Variants in FARP1 observed in about 807,000 individuals in gnomAD.
The protein encoded by FARP1 is FERM, ARH/RhoGEF and pleckstrin domain protein 1.
Under a neutral mutation model 128.8 loss-of-function variants are expected in FARP1, and 52 were observed. The observed-to-expected ratio is 0.40, with a 90% CI of 0.32 to 0.51. The LOEUF (loss-of-function observed/expected upper bound fraction) is 0.51. FARP1 is among the 20% of genes least tolerant of loss of function. FARP1 has a pLI of 0.45. For synonymous variants in FARP1, 580 were observed against 551.8 expected (o/e 1.05, Z -0.72); for missense variants, 1,333 against 1,367.9 (o/e 0.97, Z 0.40).
chr13:98,440,330 C>A, intron 23 of FARP1, 95 bp downstream of exon 23: 3 of 879,914 alleles, frequency 3.4e-6, no homozygotes, highest in Non-Finnish European at 5.7e-6. Context: ...GTAGGCCTCA[C>A]ATCCGTGGTG....
At chr13:98,151,347 T>C (rs375493866) in intron 1 of FARP1, among the ~76,000 whole-genome samples, 1 of 152,180 alleles carries the variant, frequency 6.6e-6, no homozygotes, top group African/African-American at 2.4e-5. Flanking sequence ...CTGGGGGTCT[T>C]GGAATGTAAA....
At chr13:98,244,750 AATTG>A (rs1566788025) in intron 2 of FARP1, 2 of 1,556,036 alleles carry the variant, frequency 1.3e-6, no homozygotes, top group East Asian at 2.2e-5. Flanking sequence ...CATTCAAAGA[AATTG>A]ATTGGCAATG....
chr13:98,380,458 G>A (rs559572454), intron 6 of FARP1, among the ~76,000 whole-genome samples: 6 of 151,600 alleles, frequency 4.0e-5, no homozygotes, highest in African/African-American at 1.5e-4. Flanking sequence ...TGGATTTTAA[G>A]TGTTCTCACC....
intron 2 of FARP1, chr13:98,234,478 A>G (rs1382633501): frequency 1.3e-5 from 2 of 152,230 alleles, no homozygotes; most frequent in Admixed American, 6.5e-5. Flanking sequence ...CTCAAAGAAC[A>G]TATTGCTTCA....
At chr13:98,271,904 A>G (rs1271599968) in intron 2 of FARP1, among the ~76,000 whole-genome samples, 1 of 152,180 alleles carries the variant, frequency 6.6e-6, no homozygotes, top group African/African-American at 2.4e-5. Context: ...GTACGTGTGC[A>G]TGCTTCCTTA....
chr13:98,237,870 A>G (rs1162309576), intron 2 of FARP1, among the ~76,000 whole-genome samples: 2 of 152,162 alleles, frequency 1.3e-5, no homozygotes, highest in African/African-American at 2.4e-5. Context: ...AGTGGTCGCT[A>G]TGGCTACATC....
intron 2 of FARP1, among the ~76,000 whole-genome samples, chr13:98,303,466 A>C (rs1207728039): frequency 3.1e-4 from 47 of 152,180 alleles, no homozygotes. Context: ...GAGGGTTGAG[A>C]ACCTACAAAA....
At chr13:98,165,678 T>C (rs1456535572) in intron 1 of FARP1, among the ~76,000 whole-genome samples, 1 of 21,266 alleles carries the variant, frequency 4.7e-5, no homozygotes, top group Non-Finnish European at 7.6e-4. Flanking sequence ...TCTCTCATCA[T>C]TAAAAAAAAA....
intron 2 of FARP1, among the ~76,000 whole-genome samples, chr13:98,341,416 G>A (rs1459398368): frequency 5.3e-5 from 8 of 152,068 alleles, no homozygotes; most frequent in Non-Finnish European, 1.0e-4. Flanking sequence ...GGCCGATTAC[G>A]AGGTCAGGAG....
intron 1 of FARP1, among the ~76,000 whole-genome samples, chr13:98,205,257 A>G (rs1880196408): frequency 1.3e-5 from 2 of 152,098 alleles, no homozygotes; most frequent in South Asian, 4.2e-4. Context: ...ATGCACAAGT[A>G]TCTTTAATTT....
At chr13:98,228,358 C>G (rs951586224) in intron 2 of FARP1, among the ~76,000 whole-genome samples, 1 of 151,728 alleles carries the variant, frequency 6.6e-6, no homozygotes, top group Admixed American at 6.6e-5. Flanking sequence ...GAAAATCAGT[C>G]TCAAAAAATA....
chr13:98,439,708 C>A (rs541807180), intron 21 of FARP1, among the ~76,000 whole-genome samples: 1 of 152,206 alleles, frequency 6.6e-6, no homozygotes, highest in East Asian at 1.9e-4. Context: ...CTGGTGCCCA[C>A]GCTGTCCTCC....
chr13:98,378,512 T>C (rs115355506), intron 6 of FARP1, among the ~76,000 whole-genome samples: 1 of 152,182 alleles, frequency 6.6e-6, no homozygotes, highest in Non-Finnish European at 1.5e-5. Context: ...AAATAAAATA[T>C]ACACATTATG....
chr13:98,396,061 T>C (rs892110674), intron 13 of FARP1: 1 of 398,970 alleles, frequency 2.5e-6, no homozygotes, highest in Non-Finnish European at 4.4e-6. Flanking sequence ...TCCTGGTAGA[T>C]GTAATAAGTC....
At chr13:98,318,966 TTTTG>T (rs1555337151) in intron 2 of FARP1, among the ~76,000 whole-genome samples, 1 of 141,724 alleles carries the variant, frequency 7.1e-6, no homozygotes, top group Admixed American at 7.1e-5. Flanking sequence ...TTTTTTTTTT[TTTTG>T]TTTGTTTGTT....
intron 2 of FARP1, among the ~76,000 whole-genome samples, chr13:98,247,107 A>C (rs1883108362): frequency 6.6e-6 from 1 of 152,094 alleles, no homozygotes; most frequent in Non-Finnish European, 1.5e-5. Flanking sequence ...CATGCCTGTA[A>C]CCCGCATGCC....
intron 15 of FARP1, among the ~76,000 whole-genome samples, 184 bp from the exon 16 acceptor site, chr13:98,411,717 C>A (rs914540012): frequency 6.6e-6 from 1 of 152,158 alleles, no homozygotes; most frequent in Non-Finnish European, 1.5e-5. Flanking sequence ...CTTCTTACCC[C>A]GTCTAAGGAA....
chr13:98,399,460 C>T (rs941126352), intron 13 of FARP1: 1 of 152,246 alleles, frequency 6.6e-6, no homozygotes, highest in Non-Finnish European at 1.5e-5. Context: ...AGATCTCATT[C>T]TAGCTTAACA....
chr13:98,249,298 CT>C (rs934457561), intron 2 of FARP1, among the ~76,000 whole-genome samples: 3 of 152,114 alleles, frequency 2.0e-5, no homozygotes, highest in Admixed American at 6.5e-5. Flanking sequence ...ACAACTTTGC[CT>C]TTGGAAATAT....
Sources: allele counts gnomAD v4.1 joint callset (sites outside exome capture counted in the v4.1 genomes callset), GRCh38; gene constraint gnomAD v4.1.1; transcripts MANE v1.5; gene names NCBI Gene and HGNC (gene_info 2026-07-23, HGNC 2026-07-21).